AGBL4: variants seen among roughly 807,000 people sequenced by gnomAD.
AGBL4 encodes AGBL carboxypeptidase 4, also known as cytosolic carboxypeptidase 6.
AGBL4 carries 58 observed loss-of-function variants against 66.4 expected under a neutral mutation model. That is an observed-to-expected ratio of 0.87 (90% CI 0.71 to 1.09). The LOEUF is 1.09. Ranked by LOEUF, AGBL4 falls within the 50% of genes least tolerant of loss-of-function variation. The pLI is 0.00. For missense variants in AGBL4, 579 were observed against 631.0 expected (o/e 0.92, Z 0.88); for synonymous variants, 234 against 222.9 (o/e 1.05, Z -0.44).
At chr1:49,403,796 T>C (rs1645139080) in intron 3 of AGBL4, among the ~76,000 whole-genome samples, 1 of 152,178 alleles carries the variant, frequency 6.6e-6, no homozygotes, top group Admixed American at 6.5e-5. Flanking sequence ...ATTTCTTGCT[T>C]ATCTTTCTAT....
At chr1:49,624,961 C>T (rs146229217) in intron 3 of AGBL4, among the ~76,000 whole-genome samples, 31 of 152,172 alleles carry the variant, frequency 2.0e-4, no homozygotes, top group African/African-American at 7.5e-4. Context: ...TTTTAACCCA[C>T]ATAAAGAAAC....
At chr1:49,601,881 A>C (rs1644966470) in intron 3 of AGBL4, among the ~76,000 whole-genome samples, 1 of 152,218 alleles carries the variant, frequency 6.6e-6, no homozygotes, top group African/African-American at 2.4e-5. Context: ...GAGCTTCTGC[A>C]CAGCAAAAGA....
intron 3 of AGBL4, among the ~76,000 whole-genome samples, chr1:49,251,178 G>A (rs749995271): frequency 6.6e-6 from 1 of 152,128 alleles, no homozygotes; most frequent in Non-Finnish European, 1.5e-5. Flanking sequence ...AGCAGACCAT[G>A]CCTGACTGGT....
At chr1:49,062,016 G>A (rs550048592) in intron 4 of AGBL4, among the ~76,000 whole-genome samples, 6 of 152,192 alleles carry the variant, frequency 3.9e-5, no homozygotes, top group East Asian at 1.9e-4. Context: ...TCAGATCAGC[G>A]GTGGCATTAG....
At chr1:49,155,423 T>G (rs1646411912) in intron 4 of AGBL4, among the ~76,000 whole-genome samples, 1 of 152,196 alleles carries the variant, frequency 6.6e-6, no homozygotes, top group African/African-American at 2.4e-5. Flanking sequence ...ATTAACTCAT[T>G]TAATTATCAC....
At chr1:49,628,245 C>A (rs200741655) in intron 3 of AGBL4, among the ~76,000 whole-genome samples, 1 of 152,052 alleles carries the variant, frequency 6.6e-6, no homozygotes, top group Non-Finnish European at 1.5e-5. Context: ...TATCTTTTCC[C>A]AAAACTACAC....
intron 9 of AGBL4, among the ~76,000 whole-genome samples, chr1:48,622,733 C>T (rs1645436962): frequency 6.6e-6 from 1 of 152,140 alleles, no homozygotes; most frequent in East Asian, 1.9e-4. Flanking sequence ...ATCCACCCGC[C>T]TTGGCCTCCC....
intron 3 of AGBL4, among the ~76,000 whole-genome samples, chr1:49,399,585 T>G (rs1645041538): frequency 6.6e-6 from 1 of 152,142 alleles, no homozygotes; most frequent in Non-Finnish European, 1.5e-5. Context: ...CTGCATTTCT[T>G]TGATAATCAG....
At chr1:48,975,166 C>A (rs908019760) in intron 5 of AGBL4, among the ~76,000 whole-genome samples, 19 of 152,038 alleles carry the variant, frequency 1.2e-4, no homozygotes, top group Admixed American at 1.0e-3. Flanking sequence ...ATTGGAATAT[C>A]CCCTCCAAAG....
chr1:49,056,400 T>A (rs1368294689), intron 4 of AGBL4, among the ~76,000 whole-genome samples: 3 of 152,006 alleles, frequency 2.0e-5, no homozygotes, highest in Non-Finnish European at 4.4e-5. Context: ...GAGGGTAACA[T>A]AGGGACTTTT....
intron 3 of AGBL4, among the ~76,000 whole-genome samples, chr1:49,541,294 G>A (rs1651997602): frequency 6.6e-6 from 1 of 152,166 alleles, no homozygotes; most frequent in Non-Finnish European, 1.5e-5. Flanking sequence ...GCTGGCCGAG[G>A]TCAGAGCCGC....
chr1:49,915,822 G>A (rs554900624), intron 1 of AGBL4, among the ~76,000 whole-genome samples: 3 of 152,222 alleles, frequency 2.0e-5, no homozygotes, highest in East Asian at 1.9e-4. Context: ...AGCCTAACTG[G>A]GAGACACCCC....
intron 4 of AGBL4, among the ~76,000 whole-genome samples, chr1:49,092,162 C>T (rs1042381371): frequency 3.3e-5 from 5 of 152,050 alleles, no homozygotes; most frequent in African/African-American, 1.2e-4. Context: ...TGCACATGTA[C>T]CCCTGCAACT....
At chr1:48,836,455 A>G (rs766774605) in intron 6 of AGBL4, among the ~76,000 whole-genome samples, 9 of 152,210 alleles carry the variant, frequency 5.9e-5, no homozygotes, top group South Asian at 2.1e-4. Flanking sequence ...TCCTAAAAAC[A>G]TACTTGCGGG....
At chr1:48,749,674 G>A (rs1651349449) in intron 6 of AGBL4, among the ~76,000 whole-genome samples, 1 of 152,182 alleles carries the variant, frequency 6.6e-6, no homozygotes, top group South Asian at 2.1e-4. Flanking sequence ...ACAATCATGA[G>A]GGGTGCGGTG....
chr1:48,741,903 T>A (rs755598929), intron 6 of AGBL4, among the ~76,000 whole-genome samples: 2 of 152,232 alleles, frequency 1.3e-5, no homozygotes, highest in African/African-American at 4.8e-5. Flanking sequence ...ATCAATTCAA[T>A]TGAATGTTAG....
At chr1:48,634,467 G>A in intron 9 of AGBL4, 26 bp downstream of exon 9, 1 of 1,532,226 alleles carries the variant, frequency 6.5e-7, no homozygotes, top group East Asian at 2.4e-5. Context: ...TAGATCAGCA[G>A]CTGTGGAGGG....
At chr1:48,620,683 T>C (rs951534509) in intron 9 of AGBL4, among the ~76,000 whole-genome samples, 4 of 152,202 alleles carry the variant, frequency 2.6e-5, no homozygotes, top group African/African-American at 9.7e-5. Context: ...ATTCAGAAGA[T>C]TCCTTTGTGA....
chr1:49,439,847 C>T (rs561977063), intron 3 of AGBL4, among the ~76,000 whole-genome samples: 37 of 152,226 alleles, frequency 2.4e-4, no homozygotes, highest in African/African-American at 8.2e-4. Flanking sequence ...TGTGAGACCT[C>T]GTGATCACGT....
Sources: gnomAD v4.1 joint callset for allele counts (sites outside exome capture counted in the v4.1 genomes callset) on GRCh38, gnomAD v4.1.1 for gene constraint, MANE v1.5 for transcripts, NCBI Gene and HGNC (gene_info 2026-07-23, HGNC 2026-07-21) for gene names.